Variants in EXOC6B observed in about 807,000 individuals in gnomAD.
EXOC6B encodes SEC15 homolog B.
EXOC6B carries 54 observed loss-of-function variants against 113.5 expected under a neutral mutation model. That is an observed-to-expected ratio of 0.48 (90% CI 0.38 to 0.60). EXOC6B has a LOEUF of 0.60. EXOC6B is among the 20% of genes least tolerant of loss of function. The probability of loss-of-function intolerance (pLI) is 0.00; values close to 1 mark genes in which losing one functional copy is unlikely to be tolerated. For missense variants in EXOC6B, 797 were observed against 977.5 expected (o/e 0.82, Z 2.46); for synonymous variants, 357 against 339.0 (o/e 1.05, Z -0.58).
chr2:72,412,888 A>G (rs962140384), intron 18 of EXOC6B, among the ~76,000 whole-genome samples: 1 of 152,090 alleles, frequency 6.6e-6, no homozygotes, highest in Non-Finnish European at 1.5e-5. Flanking sequence ...CTTTTGTTCT[A>G]GACCAGAAGT....
At chr2:72,500,213 G>A (rs1431109867) in intron 11 of EXOC6B, among the ~76,000 whole-genome samples, 3 of 152,196 alleles carry the variant, frequency 2.0e-5, no homozygotes, top group Non-Finnish European at 2.9e-5. Context: ...ATTTAAAAAT[G>A]CACTTCTAAA....
intron 18 of EXOC6B, among the ~76,000 whole-genome samples, chr2:72,384,296 T>G (rs1691865089): frequency 6.6e-6 from 1 of 152,018 alleles, no homozygotes; most frequent in Admixed American, 6.6e-5. Flanking sequence ...GAAAAGGCAT[T>G]TGAAAAAACT....
At chr2:72,806,261 T>A (rs1016362037) in intron 1 of EXOC6B, among the ~76,000 whole-genome samples, 7 of 152,222 alleles carry the variant, frequency 4.6e-5, no homozygotes, top group African/African-American at 1.4e-4. Flanking sequence ...CTTCCACTTA[T>A]AAGTGAGAAT....
At chr2:72,255,960 T>C (rs1468761731) in intron 20 of EXOC6B, among the ~76,000 whole-genome samples, 2 of 152,222 alleles carry the variant, frequency 1.3e-5, no homozygotes, top group Non-Finnish European at 2.9e-5. Flanking sequence ...CAGGTATCTG[T>C]GAATGCGAGC....
At chr2:72,202,196 T>G (rs1044033574) in intron 20 of EXOC6B, among the ~76,000 whole-genome samples, 5 of 152,246 alleles carry the variant, frequency 3.3e-5, no homozygotes, top group Non-Finnish European at 5.9e-5. Flanking sequence ...TTTAAAAACC[T>G]GCTCCAATTT....
At chr2:72,613,856 A>G (rs1489722539) in intron 6 of EXOC6B, among the ~76,000 whole-genome samples, 2 of 152,216 alleles carry the variant, frequency 1.3e-5, no homozygotes, top group African/African-American at 2.4e-5. Flanking sequence ...AATCTGGCCT[A>G]TAGTCAGTAA....
chr2:72,208,952 G>T (rs934350318), intron 20 of EXOC6B, among the ~76,000 whole-genome samples: 2 of 151,974 alleles, frequency 1.3e-5, no homozygotes, highest in African/African-American at 4.8e-5. Context: ...TGCTGGGCAC[G>T]GTGGCTCATG....
intron 19 of EXOC6B, among the ~76,000 whole-genome samples, chr2:72,346,425 T>C (rs1442444034): frequency 6.6e-6 from 1 of 152,174 alleles, no homozygotes; most frequent in African/African-American, 2.4e-5. Context: ...GAGAGAGGCA[T>C]TGTTTTAAGA....
At chr2:72,200,818 C>T (rs571398877) in intron 20 of EXOC6B, among the ~76,000 whole-genome samples, 77 of 152,142 alleles carry the variant, frequency 5.1e-4, no homozygotes, top group Admixed American at 2.0e-3. Context: ...AAGGGAGTTT[C>T]GTTTTTTAAT....
chr2:72,396,662 G>C (rs147604002), intron 18 of EXOC6B, among the ~76,000 whole-genome samples: 44 of 152,094 alleles, frequency 2.9e-4, no homozygotes, highest in African/African-American at 1.0e-3. Flanking sequence ...AGAGAACCAG[G>C]ATCTATAGTT....
chr2:72,569,610 A>G (rs561331723), intron 7 of EXOC6B, among the ~76,000 whole-genome samples: 108 of 152,306 alleles, frequency 7.1e-4, no homozygotes, highest in African/African-American at 2.6e-3. Flanking sequence ...CCAGTATGCA[A>G]GCTGTTTCTG....
chr2:72,499,879 T>C (rs201763330), intron 12 of EXOC6B, 22 bp downstream of exon 12: 23 of 1,494,266 alleles, frequency 1.5e-5, no homozygotes, highest in African/African-American at 2.8e-5. Context: ...TAGATGAGCA[T>C]ATGTAAACAG....
chr2:72,318,011 G>A (rs927877419), intron 20 of EXOC6B, among the ~76,000 whole-genome samples: 34 of 151,912 alleles, frequency 2.2e-4, no homozygotes, highest in African/African-American at 7.3e-4. Flanking sequence ...TTTTTAACAC[G>A]GTCCAGAAAA....
At chr2:72,435,578 T>C (rs1395739643) in intron 18 of EXOC6B, among the ~76,000 whole-genome samples, 2 of 152,216 alleles carry the variant, frequency 1.3e-5, no homozygotes, top group African/African-American at 4.8e-5. Context: ...GCTTTATGAA[T>C]CTGGGTGCTC....
chr2:72,414,040 A>G (rs1472720463), intron 18 of EXOC6B, among the ~76,000 whole-genome samples: 1 of 152,238 alleles, frequency 6.6e-6, no homozygotes, highest in Non-Finnish European at 1.5e-5. Context: ...TTTGTAACAC[A>G]TTGATAAAAT....
chr2:72,789,323 C>T (rs1049881765), intron 1 of EXOC6B, among the ~76,000 whole-genome samples: 1 of 152,128 alleles, frequency 6.6e-6, no homozygotes, highest in African/African-American at 2.4e-5. Context: ...GCAATAAATG[C>T]TAATTTCTTT....
At chr2:72,537,997 G>A (rs1409525533) in intron 8 of EXOC6B, among the ~76,000 whole-genome samples, 4 of 149,172 alleles carry the variant, frequency 2.7e-5, no homozygotes, top group Non-Finnish European at 5.9e-5. Context: ...TTTGAGACAG[G>A]AGCTAGAGTA....
At chr2:72,565,116 C>A (rs192905727) in intron 7 of EXOC6B, among the ~76,000 whole-genome samples, 3 of 151,926 alleles carry the variant, frequency 2.0e-5, no homozygotes, top group Admixed American at 2.0e-4. Flanking sequence ...TTTGGGAGGC[C>A]GAAGCAGGTG....
At chr2:72,513,322 C>A in intron 10 of EXOC6B, 70 bp from the exon 11 acceptor site, 4 of 1,584,686 alleles carry the variant, frequency 2.5e-6, no homozygotes, top group Non-Finnish European at 2.6e-6. Context: ...TGGGGTTTGA[C>A]AAGCATTAAG....
Sources: gnomAD v4.1 joint callset for allele counts (sites outside exome capture counted in the v4.1 genomes callset) on GRCh38, gnomAD v4.1.1 for gene constraint, MANE v1.5 for transcripts, NCBI Gene and HGNC (gene_info 2026-07-23, HGNC 2026-07-21) for gene names.